Variants in CDH2 observed in about 807,000 individuals in gnomAD.
CDH2 encodes the protein cadherin 2.
Under a neutral mutation model 92.0 loss-of-function variants are expected in CDH2, and 17 were observed. That is an observed-to-expected ratio of 0.18 (90% confidence interval 0.13 to 0.28). The LOEUF (loss-of-function observed/expected upper bound fraction) is 0.28. Ranked by LOEUF, CDH2 falls within the 10% of genes least tolerant of loss-of-function variation. The probability of loss-of-function intolerance (pLI) is 1.00; values close to 1 mark genes in which losing one functional copy is unlikely to be tolerated. For missense variants in CDH2, 862 were observed against 1,133.1 expected (o/e 0.76, Z 3.44); for synonymous variants, 419 against 415.9 (o/e 1.01, Z -0.09).
At chr18:27,937,007 C>G (rs888545957) in intron 6 of CDH2, among the ~76,000 whole-genome samples, 7 of 152,120 alleles carry the variant, frequency 4.6e-5, no homozygotes, top group Non-Finnish European at 8.8e-5. Flanking sequence ...AAAAGATGTG[C>G]AAGCAAAATA....
intron 15 of CDH2, among the ~76,000 whole-genome samples, chr18:27,953,189 C>A (rs1261356001): frequency 6.6e-6 from 1 of 151,982 alleles, no homozygotes; most frequent in Non-Finnish European, 1.5e-5. Context: ...GAGGAGGACT[C>A]CTGTCAATCT....
At chr18:27,998,922 T>C (rs887845518) in intron 7 of CDH2, among the ~76,000 whole-genome samples, 7 of 152,096 alleles carry the variant, frequency 4.6e-5, no homozygotes, top group East Asian at 3.9e-4. Context: ...AGGTAAAGTA[T>C]AGTAACTTAA....
At chr18:28,166,823 C>T (rs1403849339) in intron 1 of CDH2, among the ~76,000 whole-genome samples, 1 of 152,058 alleles carries the variant, frequency 6.6e-6, no homozygotes, top group African/African-American at 2.4e-5. Context: ...GCATGGAAGC[C>T]TCTACCAACA....
At chr18:27,968,298 A>G (rs1201788568) in intron 14 of CDH2, among the ~76,000 whole-genome samples, 1 of 152,222 alleles carries the variant, frequency 6.6e-6, no homozygotes, top group Non-Finnish European at 1.5e-5. Context: ...AAGATAACAC[A>G]GAGCCCACCA....
At position 27,955,954 on chromosome 18, in the gene CDH2, G is replaced by A. The variant is rs186213433; in HGVS notation, c.2515-3595C>T. 2.0e-5 allele frequency among the ~76,000 whole-genome samples: 3 copies of A among 151,842 alleles called. 1 individual carries two copies. The highest frequency in any genetic ancestry group is 1.3e-4 in the Admixed American group (2 of 15,244). On this transcript the variant is annotated intron_variant, in intron 15 of 15. Coordinates refer to ENST00000269141, the MANE Select transcript of CDH2 (RefSeq NM_001792.5). ...TAAGTACTTTAAATCCCTTCCATTT[G>A]GATAGCACTGATTTTTATCTGAGAA...
chr18:28,076,055 C>T (rs2014712973), intron 2 of CDH2, among the ~76,000 whole-genome samples: 1 of 152,114 alleles, frequency 6.6e-6, no homozygotes. Flanking sequence ...ATCCATTCTG[C>T]CCCTAGCATC....
intron 9 of CDH2, among the ~76,000 whole-genome samples, chr18:27,991,295 C>T (rs1490132062): frequency 3.9e-5 from 6 of 152,170 alleles, no homozygotes; most frequent in African/African-American, 7.2e-5. Context: ...CGAGAGGTGA[C>T]GCTCATAAGA....
At chr18:28,103,010 T>C (rs894343322) in intron 2 of CDH2, among the ~76,000 whole-genome samples, 5 of 151,562 alleles carry the variant, frequency 3.3e-5, no homozygotes, top group African/African-American at 1.2e-4. Flanking sequence ...TATTTGCCTA[T>C]AAAAAATACT....
At chr18:27,957,133 C>CCCATCCACCCAT (rs2011268991) in intron 15 of CDH2, among the ~76,000 whole-genome samples, 1 of 151,354 alleles carries the variant, frequency 6.6e-6, no homozygotes, top group Non-Finnish European at 1.5e-5. Context: ...ATCCATCCAT[C>CCCATCCACCCAT]CCATCCATCC....
chr18:28,122,490 ATAAAT>A (rs1175325904), intron 2 of CDH2, among the ~76,000 whole-genome samples: 2 of 152,172 alleles, frequency 1.3e-5, no homozygotes. Context: ...CAAAGTCAAC[ATAAAT>A]TAAGTTAGCT....
intron 2 of CDH2, among the ~76,000 whole-genome samples, chr18:28,052,963 G>A (rs9789154): frequency 1.3e-5 from 2 of 151,860 alleles, no homozygotes; most frequent in Non-Finnish European, 2.9e-5. Flanking sequence ...GTCGTATGGG[G>A]GGGTCCTAAT....
chr18:28,145,965 C>T (rs1025214509), intron 2 of CDH2, among the ~76,000 whole-genome samples: 17 of 152,210 alleles, frequency 1.1e-4, no homozygotes, highest in African/African-American at 3.6e-4. Context: ...CAATCTTTCA[C>T]CTTTACAACT....
intron 1 of CDH2, chr18:28,168,476 A>C (rs1428096154): frequency 6.5e-6 from 1 of 152,808 alleles, no homozygotes; most frequent in African/African-American, 2.5e-5. Context: ...ATTTACTTTC[A>C]CCCTGAAGAA....
chr18:28,062,726 C>T (rs917686118), intron 2 of CDH2, among the ~76,000 whole-genome samples: 2 of 152,184 alleles, frequency 1.3e-5, no homozygotes, highest in African/African-American at 2.4e-5. Context: ...GTAATCCCAG[C>T]ACTTTAGAAG....
intron 14 of CDH2, among the ~76,000 whole-genome samples, chr18:27,982,199 A>G (rs532027164): frequency 2.6e-5 from 4 of 152,338 alleles, no homozygotes; most frequent in Non-Finnish European, 5.9e-5. Flanking sequence ...TGTAGTATAG[A>G]GCTTACAGAT....
intron 1 of CDH2, among the ~76,000 whole-genome samples, chr18:28,169,304 G>A (rs1370084811): frequency 9.9e-5 from 15 of 151,916 alleles, no homozygotes; most frequent in Admixed American, 9.8e-4. Context: ...AAACTAAAAG[G>A]GCAATCCTTA....
intron 5 of CDH2, among the ~76,000 whole-genome samples, chr18:28,008,231 A>G (rs1392910180): frequency 2.0e-5 from 3 of 152,210 alleles, no homozygotes; most frequent in Non-Finnish European, 4.4e-5. Context: ...AGAGGCAGGT[A>G]TATTGTGTGC....
chr18:28,075,403 T>C (rs1322903105), intron 2 of CDH2, among the ~76,000 whole-genome samples: 1 of 152,114 alleles, frequency 6.6e-6, no homozygotes, highest in African/African-American at 2.4e-5. Flanking sequence ...CATCCTTCTA[T>C]TTCCAGGGCC....
chr18:28,170,738 T>C (rs1265009853), intron 1 of CDH2, among the ~76,000 whole-genome samples: 35 of 152,192 alleles, frequency 2.3e-4, no homozygotes, highest in Admixed American at 2.3e-3. Context: ...AATGTTTTGT[T>C]CCCTACAGCA....
Sources: gnomAD v4.1 joint callset for allele counts (sites outside exome capture counted in the v4.1 genomes callset) on GRCh38, gnomAD v4.1.1 for gene constraint, MANE v1.5 for transcripts, NCBI Gene and HGNC (gene_info 2026-07-23, HGNC 2026-07-21) for gene names.